The following GALNT10 variants were observed in gnomAD, a reference collection of about 807,000 sequenced individuals.
GALNT10 encodes polypeptide N-acetylgalactosaminyltransferase 10.
Under a neutral mutation model 75.0 loss-of-function variants are expected in GALNT10, and 41 were observed. The ratio of observed to expected loss-of-function variants is 0.55; its 90% CI spans 0.43 to 0.71. The LOEUF is 0.71. Ranked by LOEUF, GALNT10 falls within the 30% of genes least tolerant of loss-of-function variation. The probability of loss-of-function intolerance (pLI) is 0.00; values close to 1 mark genes in which losing one functional copy is unlikely to be tolerated. For missense variants in GALNT10, 727 were observed against 818.5 expected (o/e 0.89, Z 1.36); for synonymous variants, 302 against 313.0 (o/e 0.96, Z 0.37).
Position 154,409,660 on chromosome 5 carries a change from C to A in GALNT10, c.1284C>A (p.Ser428Arg). The A allele has an allele frequency of 6.2e-7, 1 of 1,613,890 alleles. No individual in the cohort carries two copies. Among genetic ancestry groups the A allele is most frequent in the Non-Finnish European group, 8.5e-7 (1 of 1,179,754 alleles). The change falls in exon 9 of 12, where the codon AGC becomes AGA. Residue 428 changes from serine (S) to arginine (R), a missense_variant. By Grantham distance (110) the Ser-to-Arg change is moderately radical. Coordinates refer to ENST00000297107, the MANE Select transcript of GALNT10 (RefSeq NM_198321.4). This position sits in a 1 kb window ranked among gnomAD's most constrained non-coding sequence, Gnocchi z 4.5. ...TCGCAGTCCAGAAAAAGCTCCGCAGCTCCCTTAACTGCAAGAGTTTCAAGT... is the reference window on the plus strand; with the variant it reads ...TCGCAGTCCAGAAAAAGCTCCGCAGATCCCTTAACTGCAAGAGTTTCAAGT... ...GDVAVQKKLR[S>R]SLNCKSFKWF...
chr5:154,329,662 C>A lies in GALNT10; in HGVS notation c.492C>A (p.Thr164=), dbSNP rs772485265. Reference sequence around the variant, plus strand: ...AGGGCTGGTCCTCCCTCCTCCGCACCGTCCACAGTGTGCTCAATCGCTCGC... The same window carrying A: ...AGGGCTGGTCCTCCCTCCTCCGCACAGTCCACAGTGTGCTCAATCGCTCGC... ...HNEGWSSLLR[T]VHSVLNRSPP... Residue 164 remains threonine, a synonymous_variant, in exon 4 of 12, where the codon ACC becomes ACA. Transcript: ENST00000297107. The A allele has an allele frequency of 1.9e-6, 3 of 1,612,900 alleles. No individual in the cohort carries two copies. Among genetic ancestry groups the A allele is most frequent in the African/African-American group, 2.7e-5 (2 of 75,000 alleles).
chr5:154,224,988 GCCAGGC>G (rs1469006981), intron 1 of GALNT10, among the ~76,000 whole-genome samples: 1 of 151,750 alleles, frequency 6.6e-6, no homozygotes, highest in African/African-American at 2.4e-5. Context: ...CACCATTTTG[GCCAGGC>G]TGGTCCTGAA....
chr5:154,235,534 G>A (rs746705707), intron 1 of GALNT10, among the ~76,000 whole-genome samples: 15 of 152,272 alleles, frequency 9.9e-5, no homozygotes, highest in East Asian at 1.9e-4. Flanking sequence ...TGGAACCCAC[G>A]TGTGTGTTTA....
chr5:154,317,269 T>C (rs1754607484), intron 3 of GALNT10, among the ~76,000 whole-genome samples: 1 of 152,242 alleles, frequency 6.6e-6, no homozygotes, highest in South Asian at 2.1e-4. Context: ...ATGTATGTTA[T>C]AGTTCCCTTT....
chr5:154,266,147 G>A (rs1753771867), intron 1 of GALNT10, among the ~76,000 whole-genome samples: 1 of 152,048 alleles, frequency 6.6e-6, no homozygotes, highest in South Asian at 2.1e-4. Context: ...AGTAAATATC[G>A]AGCATTAGGG....
chr5:154,245,648 G>C (rs987285), intron 1 of GALNT10, among the ~76,000 whole-genome samples: 4,442 of 151,904 alleles, frequency 0.029, 159 homozygotes, highest in East Asian at 0.089. Context: ...GCCACAATCA[G>C]AGGGGAGAAT....
intron 3 of GALNT10, among the ~76,000 whole-genome samples, chr5:154,307,765 C>A (rs931878398): frequency 6.6e-6 from 1 of 151,490 alleles, no homozygotes; most frequent in African/African-American, 2.4e-5. Context: ...TTTTACAGAC[C>A]AATATCCCTC....
chr5:154,284,511 G>A (rs1294251782), intron 1 of GALNT10, among the ~76,000 whole-genome samples: 1 of 152,144 alleles, frequency 6.6e-6, no homozygotes, highest in African/African-American at 2.4e-5. Context: ...GCCTTCTGAT[G>A]AGCTTTCCAG....
Position 154,366,401 on chromosome 5 carries a change from C to A in GALNT10, c.569-9876C>A, listed in dbSNP as rs1401903387. On this transcript the variant is annotated intron_variant, in intron 4 of 11. Transcript: ENST00000297107. ...CATTGAGTTGGAGAAGGTTGAAAAC[C>A]CCTGAATTTTCCTTTAAACTGGAGC... 3.3e-5 allele frequency among the ~76,000 whole-genome samples: 5 copies of A among 151,844 alleles called. No individual in the cohort carries two copies. The South Asian group carries it at 6.3e-4, about 19-fold the overall frequency.
chr5:154,366,296 G>A (rs1755473350), intron 4 of GALNT10, among the ~76,000 whole-genome samples: 1 of 152,174 alleles, frequency 6.6e-6, no homozygotes, highest in Non-Finnish European at 1.5e-5. Flanking sequence ...GGAAATGGGT[G>A]TTAGGCAGGT....
chr5:154,326,306 T>G (rs1229627806), intron 3 of GALNT10, among the ~76,000 whole-genome samples: 1 of 152,190 alleles, frequency 6.6e-6, no homozygotes, highest in Non-Finnish European at 1.5e-5. Flanking sequence ...GGTGGGAATG[T>G]GAAATGGTGT....
At chr5:154,295,405 G>A (rs894317256) in intron 2 of GALNT10, among the ~76,000 whole-genome samples, 15 of 150,466 alleles carry the variant, frequency 1.0e-4, no homozygotes, top group Admixed American at 2.6e-4. Context: ...GGCCTGTGGC[G>A]CTAAGAGGGG....
intron 4 of GALNT10, among the ~76,000 whole-genome samples, chr5:154,347,480 C>T (rs773238434): frequency 6.6e-6 from 1 of 151,802 alleles, no homozygotes; most frequent in South Asian, 2.1e-4. Context: ...CATCCTACCT[C>T]GCCTCCCAAG....
In GALNT10 at chr5:154,306,802, CTCTG is replaced by C. The variant is rs1313301569; in HGVS notation, c.401+8727_401+8730del. Among the ~76,000 whole-genome samples the C allele has an allele frequency of 3.3e-5, 5 of 152,122 alleles. No homozygotes were observed. In the South Asian group the frequency reaches 6.2e-4, roughly 19 times the overall value. On this transcript the variant is annotated intron_variant, in intron 3 of 11. Coordinates refer to ENST00000297107, the MANE Select transcript of GALNT10 (RefSeq NM_198321.4). ...TTATGAAATTATGAGATTTCAACAC[CTCTG>C]TCTCAATAACTGGTAATACAGATAG...
intron 3 of GALNT10, among the ~76,000 whole-genome samples, chr5:154,312,181 T>C (rs184559503): frequency 6.6e-6 from 1 of 152,124 alleles, no homozygotes; most frequent in East Asian, 1.9e-4. Flanking sequence ...AAGATAAGAG[T>C]GATTATCAGT....
chr5:154,261,838 C>G (rs1753703056), intron 1 of GALNT10, among the ~76,000 whole-genome samples: 1 of 152,208 alleles, frequency 6.6e-6, no homozygotes, highest in African/African-American at 2.4e-5. Flanking sequence ...CCATCAGGGT[C>G]TAGCATAGCA....
At chr5:154,293,613 A>ATATATATATATATATATATATTTTTT in intron 1 of GALNT10, among the ~76,000 whole-genome samples, 10 of 109,404 alleles carry the variant, frequency 9.1e-5, no homozygotes, top group African/African-American at 2.5e-4. Flanking sequence ...ATATATATAT[A>ATATATATATATATATATATATTTTTT]TTTTTTTTTT....
chr5:154,377,477 A>G (rs912565617), intron 5 of GALNT10, among the ~76,000 whole-genome samples: 1 of 152,220 alleles, frequency 6.6e-6, no homozygotes, highest in Non-Finnish European at 1.5e-5. Context: ...GACTGTGAAA[A>G]CACAGATGCT....
In GALNT10 at chr5:154,376,686, G is replaced by T. The variant is rs1433120650; in HGVS notation, c.754+224G>T. Among the ~76,000 whole-genome samples, 2 of 152,108 alleles carry T rather than the reference G, an allele frequency of 1.3e-5. No homozygotes were observed. The highest frequency in any genetic ancestry group is 2.9e-5 in the Non-Finnish European group (2 of 68,024). On this transcript the variant is annotated intron_variant, in intron 5 of 11. Coordinates refer to ENST00000297107, the MANE Select transcript of GALNT10 (RefSeq NM_198321.4). The surrounding 1 kb of genome is among the most constrained non-coding windows in gnomAD (Gnocchi z 4.1). ...CACAGAGAAGTTAAGACTCAGAGAG[G>T]CGAAGTGACTTACCCAAAGTCACAC...
Sources: allele counts gnomAD v4.1 joint callset (sites outside exome capture counted in the v4.1 genomes callset), GRCh38; gene constraint gnomAD v4.1.1; non-coding constraint Gnocchi (gnomAD v3.1); transcripts MANE v1.5; gene names NCBI Gene and HGNC (gene_info 2026-07-23, HGNC 2026-07-21).